PHLDB3: variants seen among roughly 807,000 people sequenced by gnomAD.
PHLDB3 encodes the protein pleckstrin homology-like domain family B member 3.
Under a neutral mutation model 85.7 loss-of-function variants are expected in PHLDB3, and 86 were observed. That is an observed-to-expected ratio of 1.00 (90% CI 0.84 to 1.20). The LOEUF is 1.20. Ranked by LOEUF, PHLDB3 falls within the 50% of genes most tolerant of loss-of-function variation. The pLI, the probability that PHLDB3 is intolerant of heterozygous loss-of-function variation, is 0.00. For synonymous variants in PHLDB3, 376 were observed against 349.8 expected (o/e 1.07, Z -0.83); for missense variants, 995 against 873.0 (o/e 1.14, Z -1.76).
At chr19:43,502,023 G>C in intron 3 of PHLDB3, 78 bp downstream of exon 3, 1 of 1,513,090 alleles carries the variant, frequency 6.6e-7, no homozygotes, top group Non-Finnish European at 8.9e-7. Context: ...GATCCCACCC[G>C]AGGAAAAAGC....
At chr19:43,504,208 G>A in intron 1 of PHLDB3, 76 bp from the exon 2 acceptor site, 21 of 1,315,668 alleles carry the variant, frequency 1.6e-5, no homozygotes, top group Non-Finnish European at 1.9e-5. Context: ...CTGCTCCGGG[G>A]CGCGGAGACC....
At chr19:43,491,750 T>C (rs1189846797) in intron 9 of PHLDB3, among the ~76,000 whole-genome samples, 3 of 150,456 alleles carry the variant, frequency 2.0e-5, no homozygotes, top group Non-Finnish European at 4.4e-5. Flanking sequence ...CACTGCAACC[T>C]CCGCCTCCCA....
chr19:43,479,382 T>C lies in PHLDB3; in HGVS notation c.1697A>G (p.Tyr566Cys), dbSNP rs566012929. The change falls in exon 14 of 16, where the codon TAT becomes TGT. Residue 566 changes from tyrosine to cysteine, a missense_variant. By Grantham distance (194) the Tyr-to-Cys change is radical. Transcript: ENST00000292140. ...FDRQARRLAY[Y>C]ADKEETKLKG... Reference sequence around the variant, plus strand: ...GGTGGCCAGGCTGGGCTTACCCGCATAGTAGGCCAAGCGGCGGGCTTGGCG... The same window carrying C: ...GGTGGCCAGGCTGGGCTTACCCGCACAGTAGGCCAAGCGGCGGGCTTGGCG... The C allele has an allele frequency of 6.1e-5, 95 of 1,561,678 alleles. 2 individuals are homozygous for C. The South Asian group carries it at 1.1e-3, about 18-fold the overall frequency.
intron 13 of PHLDB3, among the ~76,000 whole-genome samples, chr19:43,483,900 A>G (rs1353123032): frequency 1.3e-5 from 2 of 152,150 alleles, no homozygotes; most frequent in African/African-American, 4.8e-5. Context: ...GCCAGAAGGG[A>G]GGCTCGAGGC....
At chr19:43,504,223 C>CG in intron 1 of PHLDB3, 91 bp from the exon 2 acceptor site, 1 of 1,181,482 alleles carries the variant, frequency 8.5e-7, no homozygotes, top group African/African-American at 1.5e-5. Context: ...GAGACCCCCC[C>CG]CCAAGGAGGC....
At chr19:43,501,697 G>T in intron 4 of PHLDB3, 37 bp downstream of exon 4, 1 of 1,572,398 alleles carries the variant, frequency 6.4e-7, no homozygotes, top group East Asian at 2.3e-5. Context: ...GGACCAGGAA[G>T]GACACTGCTG....
chr19:43,484,039 G>A (rs992785807), intron 13 of PHLDB3, among the ~76,000 whole-genome samples: 1 of 151,996 alleles, frequency 6.6e-6, no homozygotes, highest in Non-Finnish European at 1.5e-5. Flanking sequence ...ATCACCTGAG[G>A]TCAGGAGTTC....
In PHLDB3 at chr19:43,497,734, C is replaced by A. The variant is rs1274825645; in HGVS notation, c.663+14G>T. The A allele has an allele frequency of 6.5e-7, 1 of 1,549,256 alleles. No individual in the cohort carries two copies. Among genetic ancestry groups the A allele is most frequent in the African/African-American group, 1.4e-5 (1 of 72,964 alleles). Reference sequence around the variant, plus strand: ...CTCAAAAAAAACAAAAAAGAAAGAACCAGATGCCATTACCTCCTGCACACC... The same window carrying A: ...CTCAAAAAAAACAAAAAAGAAAGAAACAGATGCCATTACCTCCTGCACACC... On this transcript the variant is annotated intron_variant, in intron 5 of 15. Coordinates refer to ENST00000292140, the MANE Select transcript of PHLDB3 (RefSeq NM_198850.4).
intron 13 of PHLDB3, among the ~76,000 whole-genome samples, chr19:43,481,898 T>G: frequency 6.8e-6 from 1 of 146,668 alleles, no homozygotes. Context: ...GAGAGTGAGG[T>G]GGGGAAATGA....
At position 43,479,582 on chromosome 19, in the gene PHLDB3, G is replaced by A. The variant is rs1191936548; in HGVS notation, c.1497C>T (p.Thr499=). 2 of 1,498,854 alleles carry A rather than the reference G, an allele frequency of 1.3e-6. No individual in the cohort carries two copies. Among genetic ancestry groups the A allele is most frequent in the Non-Finnish European group, 9.1e-7 (1 of 1,102,270 alleles). 92.8% of individuals were successfully genotyped at this position (1,498,854 alleles called of 1,614,324 possible). ...PAVPAITAPP[T]PPHPPGPRIL... is the part of the protein sequence containing the mutation. ...TTCGCGGGCCTGGAGGGTGGGGTGG[G>A]GTGGGTGGGGCCTGGGGAGCAAAGA... Residue 499 remains threonine, a synonymous_variant, in exon 14 of 16, where the codon ACC becomes ACT. Transcript: ENST00000292140.
chr19:43,502,357 C>T, intron 2 of PHLDB3, 74 bp from the exon 3 acceptor site: 1 of 1,399,472 alleles, frequency 7.1e-7, no homozygotes, highest in Non-Finnish European at 9.6e-7. Context: ...TGGTCCCCAC[C>T]CAACATCACC....
chr19:43,484,180 G>GGCGGAGATTGCAGTGA (rs1971103300), intron 13 of PHLDB3, among the ~76,000 whole-genome samples: 1 of 151,344 alleles, frequency 6.6e-6, no homozygotes, highest in Non-Finnish European at 1.5e-5. Context: ...GAACCCTGGA[G>GGCGGAGATTGCAGTGA]GCGGAGATTG....
At chr19:43,491,655 G>A (rs1971315332) in intron 9 of PHLDB3, among the ~76,000 whole-genome samples, 1 of 143,010 alleles carries the variant, frequency 7.0e-6, no homozygotes, top group Admixed American at 7.1e-5. Flanking sequence ...GCACGCACCA[G>A]CACACCCAGC....
intron 8 of PHLDB3, 37 bp from the exon 9 acceptor site, chr19:43,494,852 G>C (rs371941020): frequency 4.0e-6 from 6 of 1,505,576 alleles, no homozygotes; most frequent in Non-Finnish European, 5.5e-6. Flanking sequence ...GGGAGCAGGA[G>C]AGACCCCAGA....
At chr19:43,497,689 G>A in intron 5 of PHLDB3, 59 bp downstream of exon 5, 2 of 1,519,526 alleles carry the variant, frequency 1.3e-6, no homozygotes, top group Non-Finnish European at 1.8e-6. Flanking sequence ...TCCAGCCTGG[G>A]CAACGAGGCG....
intron 9 of PHLDB3, among the ~76,000 whole-genome samples, chr19:43,492,214 G>C (rs1599949031): frequency 6.6e-6 from 1 of 151,446 alleles, no homozygotes; most frequent in Admixed American, 6.6e-5. Context: ...GCCTCCCAAA[G>C]TGCTGGGATT....
chr19:43,493,315 T>TAAATAAATAAATAAATAAAA (rs546087500), intron 9 of PHLDB3, among the ~76,000 whole-genome samples: 2 of 143,294 alleles, frequency 1.4e-5, no homozygotes, highest in Admixed American at 7.0e-5. Flanking sequence ...AATAAATAAA[T>TAAATAAATAAATAAATAAAA]AAAATAAAAG....
At chr19:43,504,219 C>CA in intron 1 of PHLDB3, 87 bp from the exon 2 acceptor site, 9 of 1,215,878 alleles carry the variant, frequency 7.4e-6, no homozygotes, top group Non-Finnish European at 7.8e-6. Context: ...CGCGGAGACC[C>CA]CCCCCCAAGG....
In PHLDB3 at chr19:43,475,207, C is replaced by T. The variant is rs1970896214; in HGVS notation, c.*203G>A. On this transcript the variant is annotated 3_prime_UTR_variant, in exon 16 of 16. Transcript: ENST00000292140. ...CCTGCCCCGGGCAGGGCCTTAGGGG[C>T]CGGCGATCCCGTCGGGGGCAAGGCA... 2 of 639,718 alleles carry T rather than the reference C, an allele frequency of 3.1e-6. No individual in the cohort carries two copies. Among genetic ancestry groups the T allele is most frequent in the African/African-American group, 1.9e-5 (1 of 54,034 alleles). The allele number at this position is 639,718 out of a possible 1,614,324, so 39.6% of individuals were successfully genotyped here. A position where few individuals can be genotyped will look rare whatever the true frequency, so the allele number is the denominator to read the frequency against.
Sources: gnomAD v4.1 joint callset for allele counts (sites outside exome capture counted in the v4.1 genomes callset) on GRCh38, gnomAD v4.1.1 for gene constraint, MANE v1.5 for transcripts, NCBI Gene and HGNC (gene_info 2026-07-23, HGNC 2026-07-21) for gene names.